The following UBXN8 variants were observed in gnomAD, a reference collection of about 807,000 sequenced individuals.
UBXN8 encodes UBX domain-containing protein 8.
UBXN8 carries 27 observed loss-of-function variants against 32.1 expected under a neutral mutation model. That is an observed-to-expected ratio of 0.84 (90% CI 0.62 to 1.16). The LOEUF is 1.16. Ranked by LOEUF, UBXN8 falls within the 50% of genes most tolerant of loss-of-function variation. The pLI is 0.00. For missense variants in UBXN8, 306 were observed against 311.4 expected (o/e 0.98, Z 0.13); for synonymous variants, 109 against 111.8 (o/e 0.98, Z 0.16).
intron 1 of UBXN8, among the ~76,000 whole-genome samples, chr8:30,746,741 G>T (rs1276963571): frequency 7.2e-6 from 1 of 138,510 alleles, no homozygotes; most frequent in Non-Finnish European, 1.6e-5. Context: ...TGCCAGGTTG[G>T]TCTCCAACTC....
chr8:30,735,705 G>A (rs80180788), intron 1 of UBXN8, among the ~76,000 whole-genome samples: 16,236 of 152,216 alleles, frequency 0.11, 939 homozygotes, highest in South Asian at 0.15. Flanking sequence ...CAGGCATGGT[G>A]GCATGTGCCT....
chr8:30,736,183 A>G (rs986584799), intron 1 of UBXN8, among the ~76,000 whole-genome samples: 1 of 152,252 alleles, frequency 6.6e-6, no homozygotes, highest in African/African-American at 2.4e-5. Flanking sequence ...AACAATAACT[A>G]TAACTAAACG....
At chr8:30,748,621 T>A (rs1365763865) in intron 1 of UBXN8, among the ~76,000 whole-genome samples, 1 of 151,570 alleles carries the variant, frequency 6.6e-6, no homozygotes, top group Admixed American at 6.6e-5. Flanking sequence ...GCTCACTGCA[T>A]CCTCTACCTC....
intron 5 of UBXN8, among the ~76,000 whole-genome samples, chr8:30,759,834 G>C (rs942270758): frequency 5.3e-5 from 8 of 151,414 alleles, no homozygotes; most frequent in Non-Finnish European, 1.0e-4. Context: ...GCAGGCGCCT[G>C]TAGTCCTAGC....
At chr8:30,753,943 A>AT (rs1463489053) in intron 3 of UBXN8, among the ~76,000 whole-genome samples, 1 of 151,780 alleles carries the variant, frequency 6.6e-6, no homozygotes, top group Non-Finnish European at 1.5e-5. Context: ...TGCTCAGCTA[A>AT]TTTTTAAAAA....
upstream of UBXN8, among the ~76,000 whole-genome samples, chr8:30,741,454 C>CTTTTTTTTTTTTTTTTTTTTTT (rs565066061): frequency 8.6e-6 from 1 of 116,742 alleles, no homozygotes. Flanking sequence ...AAGCAATGTT[C>CTTTTTTTTTTTTTTTTTTTTTT]TTTTTTTTTT....
At chr8:30,753,197 C>A in intron 3 of UBXN8, 92 bp downstream of exon 3, 1 of 1,336,436 alleles carries the variant, frequency 7.5e-7, no homozygotes, top group Non-Finnish European at 9.6e-7. Flanking sequence ...TGTCTTGGTG[C>A]TAAGATTTTA....
At chr8:30,752,407 A>G (rs1805541521) in intron 2 of UBXN8, among the ~76,000 whole-genome samples, 1 of 152,136 alleles carries the variant, frequency 6.6e-6, no homozygotes, top group African/African-American at 2.4e-5. Context: ...TCCCAGGCTC[A>G]AGTGATCCTC....
Position 30,751,522 on chromosome 8 carries a change from A to T in UBXN8, c.211+4A>T. 1 of 1,594,508 alleles carries T rather than the reference A, an allele frequency of 6.3e-7. No individual in the cohort carries two copies. The highest frequency in any genetic ancestry group is 8.5e-7 in the Non-Finnish European group (1 of 1,172,582). On this transcript the variant is annotated splice_donor_region_variant and intron_variant, in intron 2 of 7. Coordinates refer to ENST00000265616, the MANE Select transcript of UBXN8 (RefSeq NM_005671.4). ...TCTCCCCAAGTTTATCTGAAGGGTAAGTTTATTATTTATTCTACCCTTTTA... is the reference window on the plus strand; with the variant it reads ...TCTCCCCAAGTTTATCTGAAGGGTATGTTTATTATTTATTCTACCCTTTTA...
intron 1 of UBXN8, among the ~76,000 whole-genome samples, chr8:30,735,267 C>T (rs1336589370): frequency 6.6e-6 from 1 of 152,190 alleles, no homozygotes; most frequent in Non-Finnish European, 1.5e-5. Context: ...AATGGCAGAG[C>T]AGGAATTCAA....
intron 5 of UBXN8, among the ~76,000 whole-genome samples, chr8:30,759,266 C>T (rs1047113662): frequency 6.6e-6 from 1 of 151,676 alleles, no homozygotes; most frequent in Non-Finnish European, 1.5e-5. Context: ...GACAGAGCCT[C>T]ACTCTGTCAC....
At chr8:30,758,207 A>G (rs1245028722) in intron 5 of UBXN8, among the ~76,000 whole-genome samples, 2 of 152,182 alleles carry the variant, frequency 1.3e-5, no homozygotes, top group East Asian at 1.9e-4. Context: ...AAAATACTCA[A>G]TTCTTTTTAA....
chr8:30,729,784 A>G (rs1233136003), upstream of UBXN8, among the ~76,000 whole-genome samples: 1 of 152,234 alleles, frequency 6.6e-6, no homozygotes, highest in Non-Finnish European at 1.5e-5. Flanking sequence ...TGGCCATCAG[A>G]AGGAAGCCTG....
At chr8:30,763,087 C>CT (rs1405190298) in intron 6 of UBXN8, 186 bp from the exon 7 acceptor site, 2 of 574,892 alleles carry the variant, frequency 3.5e-6, no homozygotes, top group African/African-American at 3.8e-5. Flanking sequence ...CTCAAGTGGT[C>CT]TGCCTGTCTC....
At chr8:30,759,948 C>T (rs921265177) in intron 5 of UBXN8, among the ~76,000 whole-genome samples, 1 of 146,536 alleles carries the variant, frequency 6.8e-6, no homozygotes, top group Non-Finnish European at 1.5e-5. Flanking sequence ...CAGAGTGAGA[C>T]TCCGTCTCAG....
chr8:30,757,395 CA>C (rs1219540784), intron 5 of UBXN8, among the ~76,000 whole-genome samples: 1 of 151,370 alleles, frequency 6.6e-6, no homozygotes, highest in Non-Finnish European at 1.5e-5. Context: ...ACTAAAAATA[CA>C]AAAAAATTAG....
At chr8:30,765,503 T>C (rs547989009) in intron 7 of UBXN8, among the ~76,000 whole-genome samples, 1 of 149,850 alleles carries the variant, frequency 6.7e-6, no homozygotes, top group East Asian at 2.0e-4. Flanking sequence ...CAAATTTCTG[T>C]GCCATTATAT....
At chr8:30,758,900 T>TTTTTTTTTTTTTTTTTTTTTTTTG (rs1554578741) in intron 5 of UBXN8, among the ~76,000 whole-genome samples, 1 of 121,998 alleles carries the variant, frequency 8.2e-6, no homozygotes, top group Non-Finnish European at 1.6e-5. Context: ...TTTTGTTTTT[T>TTTTTTTTTTTTTTTTTTTTTTTTG]TTTTTTTTTT....
At chr8:30,736,925 C>T (rs1331960288) in intron 1 of UBXN8, among the ~76,000 whole-genome samples, 1 of 152,198 alleles carries the variant, frequency 6.6e-6, no homozygotes, top group African/African-American at 2.4e-5. Context: ...TTGCACCCTT[C>T]TCCCTGTCTC....
Sources: gnomAD v4.1 joint callset for allele counts (sites outside exome capture counted in the v4.1 genomes callset) on GRCh38, gnomAD v4.1.1 for gene constraint, MANE v1.5 for transcripts, NCBI Gene and HGNC (gene_info 2026-07-23, HGNC 2026-07-21) for gene names.